The following CCBE1 variants were observed in gnomAD, a reference collection of about 807,000 sequenced individuals.
CCBE1 encodes collagen and calcium binding EGF domains 1.
Under a neutral mutation model 50.0 loss-of-function variants are expected in CCBE1, and 37 were observed. The ratio of observed to expected loss-of-function variants is 0.74; its 90% CI spans 0.57 to 0.97. The LOEUF is 0.97. Ranked by LOEUF, CCBE1 falls within the 50% of genes least tolerant of loss-of-function variation. The pLI, the probability that CCBE1 is intolerant of heterozygous loss-of-function variation, is 0.00. For missense variants in CCBE1, 538 were observed against 523.8 expected (o/e 1.03, Z -0.26); for synonymous variants, 234 against 203.7 (o/e 1.15, Z -1.27).
intron 2 of CCBE1, among the ~76,000 whole-genome samples, chr18:59,520,706 C>G (rs1405136607): frequency 6.6e-6 from 1 of 152,248 alleles, no homozygotes; most frequent in Non-Finnish European, 1.5e-5. Flanking sequence ...TGTTTCCTGA[C>G]AGTATATCAT....
intron 2 of CCBE1, among the ~76,000 whole-genome samples, chr18:59,547,210 T>C (rs1359644267): frequency 6.6e-6 from 1 of 151,454 alleles, no homozygotes; most frequent in Non-Finnish European, 1.5e-5. Flanking sequence ...ATCCCAGCAC[T>C]TTGGGAGGCT....
chr18:59,512,575 TGACA>T (rs1914179147), intron 2 of CCBE1, among the ~76,000 whole-genome samples: 1 of 152,234 alleles, frequency 6.6e-6, no homozygotes, highest in African/African-American at 2.4e-5. Context: ...ATTCCCTGTA[TGACA>T]GACAGAGAGG....
At chr18:59,622,246 C>G (rs575914048) in intron 2 of CCBE1, among the ~76,000 whole-genome samples, 2 of 152,310 alleles carry the variant, frequency 1.3e-5, no homozygotes, top group East Asian at 1.9e-4. Context: ...GAGCACCACC[C>G]TTTAGAATGA....
intron 2 of CCBE1, among the ~76,000 whole-genome samples, chr18:59,505,447 A>C (rs887121477): frequency 6.6e-6 from 1 of 152,240 alleles, no homozygotes; most frequent in African/African-American, 2.4e-5. Flanking sequence ...TAAACATTCC[A>C]TTCTGTCATA....
chr18:59,478,444 T>A (rs1912414469), intron 3 of CCBE1, among the ~76,000 whole-genome samples: 1 of 152,220 alleles, frequency 6.6e-6, no homozygotes, highest in Non-Finnish European at 1.5e-5. Flanking sequence ...TTCCCACAGA[T>A]TAAAACAAAC....
rs533065969 is a variant in CCBE1, at chr18:59,530,023, C to CA, written c.213-49786dup. On this transcript the variant is annotated intron_variant, in intron 2 of 10. Coordinates refer to ENST00000439986, the MANE Select transcript of CCBE1 (RefSeq NM_133459.4). ...CAGAGTTTCTGAGTTAGTGGCTATA[C>CA]AGTAAGGATCAAGAATCTGCATTTC... Among the ~76,000 whole-genome samples the CA allele has an allele frequency of 7.9e-4, 121 of 152,290 alleles. 2 individuals carry two copies. The Middle Eastern group carries it at 0.031, about 39-fold the overall frequency.
intron 2 of CCBE1, among the ~76,000 whole-genome samples, chr18:59,661,619 C>A (rs1339469580): frequency 6.6e-6 from 1 of 152,170 alleles, no homozygotes; most frequent in Non-Finnish European, 1.5e-5. Context: ...TATTCTCAAC[C>A]AATCAATATA....
intron 2 of CCBE1, among the ~76,000 whole-genome samples, chr18:59,564,717 G>A (rs1405310653): frequency 2.0e-5 from 3 of 152,218 alleles, no homozygotes; most frequent in African/African-American, 7.2e-5. Context: ...ACTGCAGCTG[G>A]AATGAAGACG....
intron 1 of CCBE1, among the ~76,000 whole-genome samples, chr18:59,696,998 C>T (rs1459554810): frequency 6.6e-6 from 1 of 152,186 alleles, no homozygotes; most frequent in Admixed American, 6.5e-5. Flanking sequence ...GAAGGGTATC[C>T]CTGACGCGAC....
chr18:59,549,405 C>G (rs912387156), intron 2 of CCBE1, among the ~76,000 whole-genome samples: 14 of 152,236 alleles, frequency 9.2e-5, no homozygotes, highest in African/African-American at 2.9e-4. Context: ...AAATGAGCAC[C>G]CCACCAAGGG....
At position 59,435,045 on chromosome 18, in the gene CCBE1, T is replaced by A. The variant is rs1910089411; in HGVS notation, c.*863A>T. 1 of 152,232 alleles carries A rather than the reference T, an allele frequency of 6.6e-6. No individual in the cohort carries two copies. Among genetic ancestry groups the A allele is most frequent in the Non-Finnish European group, 1.5e-5 (1 of 68,054 alleles). The allele number at this position is 152,232 out of a possible 1,614,324, so 9.4% of individuals were successfully genotyped here. A position where few individuals can be genotyped will look rare whatever the true frequency, so the allele number is the denominator to read the frequency against. ...CAGCCAGTTTATTGAACAAATAATC[T>A]ATATTTATAGAGCAGACTCCACTGT... On this transcript the variant is annotated 3_prime_UTR_variant, in exon 11 of 11. Transcript: ENST00000439986.
intron 2 of CCBE1, among the ~76,000 whole-genome samples, chr18:59,559,633 C>T (rs1002412267): frequency 6.6e-6 from 1 of 152,218 alleles, no homozygotes; most frequent in South Asian, 2.1e-4. Context: ...AGGTCCTTGG[C>T]TTGGGGGACT....
chr18:59,576,248 G>C (rs2052993285), intron 2 of CCBE1, among the ~76,000 whole-genome samples: 2 of 152,216 alleles, frequency 1.3e-5, no homozygotes, highest in Non-Finnish European at 2.9e-5. Flanking sequence ...AGTTTTGTGA[G>C]TGTGTGTGAA....
intron 2 of CCBE1, among the ~76,000 whole-genome samples, chr18:59,641,268 T>C (rs1266284482): frequency 1.3e-5 from 2 of 152,036 alleles, no homozygotes; most frequent in African/African-American, 2.4e-5. Flanking sequence ...CATAGAATAC[T>C]ACATAGCTAT....
intron 2 of CCBE1, among the ~76,000 whole-genome samples, chr18:59,562,655 G>A (rs1469490): frequency 0.079 from 12,093 of 152,230 alleles, 975 homozygotes; most frequent in East Asian, 0.39. Context: ...GTACACTTTT[G>A]TTACCTGTTA....
intron 2 of CCBE1, among the ~76,000 whole-genome samples, chr18:59,578,978 A>T (rs918233846): frequency 2.6e-5 from 4 of 152,100 alleles, no homozygotes; most frequent in African/African-American, 9.7e-5. Context: ...TTTTTATCAG[A>T]AAAAAAATGT....
intron 3 of CCBE1, among the ~76,000 whole-genome samples, chr18:59,479,216 TCAAA>T (rs1244497476): frequency 6.6e-6 from 1 of 152,186 alleles, no homozygotes; most frequent in Admixed American, 6.5e-5. Context: ...CTCATGCCCT[TCAAA>T]CAAATAGTCT....
intron 2 of CCBE1, among the ~76,000 whole-genome samples, chr18:59,554,120 G>A (rs1035136040): frequency 6.6e-6 from 1 of 152,142 alleles, no homozygotes; most frequent in African/African-American, 2.4e-5. Context: ...CTTCTGTGTA[G>A]GGAGGTCTGC....
chr18:59,545,209 C>T (rs371472542), intron 2 of CCBE1, among the ~76,000 whole-genome samples: 1 of 152,140 alleles, frequency 6.6e-6, no homozygotes, highest in African/African-American at 2.4e-5. Context: ...ATATATGCAT[C>T]TCTATATATG....
Sources: allele counts gnomAD v4.1 joint callset (sites outside exome capture counted in the v4.1 genomes callset), GRCh38; gene constraint gnomAD v4.1.1; transcripts MANE v1.5; gene names NCBI Gene and HGNC (gene_info 2026-07-23, HGNC 2026-07-21).